USP13: variants seen among roughly 807,000 people sequenced by gnomAD.
USP13 encodes the protein ubiquitin carboxyl-terminal hydrolase 13.
A neutral mutation model predicts 107.8 loss-of-function variants in USP13; 68 were observed. The observed-to-expected ratio is 0.63, with a 90% CI of 0.52 to 0.77. The LOEUF is 0.77. USP13 is among the 30% of genes least tolerant of loss of function. The pLI, the probability that USP13 is intolerant of heterozygous loss-of-function variation, is 0.00. For synonymous variants in USP13, 377 were observed against 389.5 expected, an observed-to-expected ratio of 0.97 and a Z score of 0.38; for missense variants, 945 against 1,093.3, an observed-to-expected ratio of 0.86 and a Z score of 1.91.
chr3:179,730,750 G>T (rs1308325223), intron 10 of USP13, 41 bp downstream of exon 10: 33 of 1,584,216 alleles, frequency 2.1e-5, no homozygotes, highest in Non-Finnish European at 2.9e-5. Flanking sequence ...TGTAGGTAGG[G>T]AGGAGCTTTA....
chr3:179,762,133 G>A (rs188083951), intron 17 of USP13, among the ~76,000 whole-genome samples: 4 of 152,264 alleles, frequency 2.6e-5, no homozygotes, highest in African/African-American at 9.6e-5. Context: ...CTGTTTTCTG[G>A]ATCAAGGGAT....
At chr3:179,657,704 C>T (rs1247240805) in intron 1 of USP13, among the ~76,000 whole-genome samples, 1 of 126,528 alleles carries the variant, frequency 7.9e-6, no homozygotes, top group Non-Finnish European at 1.5e-5. Context: ...GCAGAGGTTG[C>T]AGTAAGCCGA....
chr3:179,769,260 CA>C (rs1362333737), intron 19 of USP13, among the ~76,000 whole-genome samples: 3 of 152,072 alleles, frequency 2.0e-5, no homozygotes, highest in Admixed American at 1.3e-4. Context: ...CATATATTAA[CA>C]ATATTCTATT....
At chr3:179,780,533 A>AG (rs1371219225) in intron 19 of USP13, among the ~76,000 whole-genome samples, 1 of 151,922 alleles carries the variant, frequency 6.6e-6, no homozygotes, top group Non-Finnish European at 1.5e-5. Flanking sequence ...GAGTCTGGAT[A>AG]GGGGGGGAAG....
intron 6 of USP13, among the ~76,000 whole-genome samples, chr3:179,715,975 A>G (rs1713100254): frequency 6.6e-6 from 1 of 152,154 alleles, no homozygotes; most frequent in African/African-American, 2.4e-5. Flanking sequence ...CCCAGGCTGC[A>G]GTGCAGTGGT....
At chr3:179,699,677 GC>G (rs1443577334) in intron 3 of USP13, among the ~76,000 whole-genome samples, 1 of 124,600 alleles carries the variant, frequency 8.0e-6, no homozygotes, top group Non-Finnish European at 1.6e-5. Context: ...TCAAGTCTTG[GC>G]AACAGAGTGA....
chr3:179,755,700 T>A (rs569477295), intron 15 of USP13, among the ~76,000 whole-genome samples: 1 of 152,386 alleles, frequency 6.6e-6, no homozygotes, highest in South Asian at 2.1e-4. Flanking sequence ...TTAGCTCAGT[T>A]ATCCTGATGA....
chr3:179,679,057 G>A (rs7636789), intron 1 of USP13, among the ~76,000 whole-genome samples: 77,214 of 151,972 alleles, frequency 0.51, 20,107 homozygotes, highest in Non-Finnish European at 0.56. Context: ...ATGCTGTTAA[G>A]TGTTCACATT....
At chr3:179,737,299 G>GA (rs775580256) in intron 10 of USP13, among the ~76,000 whole-genome samples, 101 of 152,294 alleles carry the variant, frequency 6.6e-4, no homozygotes, top group Non-Finnish European at 9.7e-4. Context: ...GTCAAGTGGA[G>GA]AAAATCATCA....
chr3:179,696,710 G>T (rs1712339830), intron 3 of USP13, among the ~76,000 whole-genome samples: 1 of 152,144 alleles, frequency 6.6e-6, no homozygotes, highest in African/African-American at 2.4e-5. Flanking sequence ...GGAGAGTTCA[G>T]CTAGAAAGGG....
chr3:179,780,630 A>G (rs1376432018), intron 19 of USP13, among the ~76,000 whole-genome samples: 1 of 152,176 alleles, frequency 6.6e-6, no homozygotes, highest in Admixed American at 6.5e-5. Flanking sequence ...TGTACAACCA[A>G]GAGAGTCATG....
At position 179,689,369 on chromosome 3, in the gene USP13, C is replaced by T. The variant is rs377494345; in HGVS notation, c.295-872C>T. On this transcript the variant is annotated intron_variant, in intron 2 of 20. Coordinates refer to ENST00000263966, the MANE Select transcript of USP13 (RefSeq NM_003940.3). ...GCTTCCATCATAGGTAGAAAATACA[C>T]GATGCTGGGTGGGGTGCGGTGGCTC... Among the ~76,000 whole-genome samples the T allele has an allele frequency of 3.3e-5, 5 of 152,146 alleles. No individual in the cohort carries two copies. In the East Asian group the frequency reaches 7.7e-4, roughly 24 times the overall value.
Position 179,721,716 on chromosome 3 carries a change from C to A in USP13, c.1088+127C>A. The A allele has an allele frequency of 2.0e-6, 2 of 983,198 alleles. No homozygotes were observed. The highest frequency in any genetic ancestry group is 2.9e-6 in the Non-Finnish European group (2 of 678,130). 60.9% of individuals were successfully genotyped at this position (983,198 alleles called of 1,614,324 possible). ...GACATTTTGCCACCTTTTCTCTGGC[C>A]TGCCTTCTACAGAGACTGGGTGAGA... On this transcript the variant is annotated intron_variant, in intron 8 of 20. Transcript: ENST00000263966. The surrounding 1 kb of genome is among the most constrained non-coding windows in gnomAD (Gnocchi z 4.3).
chr3:179,674,055 G>A (rs1194970483), intron 1 of USP13, among the ~76,000 whole-genome samples: 2 of 152,120 alleles, frequency 1.3e-5, no homozygotes, highest in East Asian at 1.9e-4. Context: ...CACTACGCCC[G>A]GCTAATTTTG....
chr3:179,696,434 G>A (rs1056983876), intron 3 of USP13, among the ~76,000 whole-genome samples: 3 of 150,370 alleles, frequency 2.0e-5, no homozygotes, highest in Admixed American at 6.7e-5. Context: ...GGGTTCAAGC[G>A]ATTCTCCTGC....
intron 17 of USP13, among the ~76,000 whole-genome samples, chr3:179,762,164 A>T (rs536038694): frequency 5.5e-4 from 84 of 152,396 alleles, no homozygotes; most frequent in African/African-American, 2.0e-3. Flanking sequence ...TGGACATTTC[A>T]TATAAATGGA....
intron 6 of USP13, among the ~76,000 whole-genome samples, chr3:179,711,516 T>A (rs568521150): frequency 3.9e-5 from 6 of 151,916 alleles, no homozygotes; most frequent in African/African-American, 1.4e-4. Context: ...CCCAGCCAAA[T>A]TTTTTTTTAA....
intron 6 of USP13, among the ~76,000 whole-genome samples, chr3:179,714,831 G>T (rs1205875507): frequency 6.7e-6 from 1 of 149,564 alleles, no homozygotes; most frequent in Non-Finnish European, 1.5e-5. Context: ...TACAGTCTAG[G>T]TTTTGTCTGT....
chr3:179,682,031 C>T lies in USP13; in HGVS notation c.294+28C>T, dbSNP rs751716167. 6.2e-6 allele frequency: 10 copies of T among 1,602,706 alleles called. No individual in the cohort carries two copies. The Admixed American group carries it at 1.7e-4, about 27-fold the overall frequency. On this transcript the variant is annotated intron_variant, in intron 2 of 20. Coordinates refer to ENST00000263966, the MANE Select transcript of USP13 (RefSeq NM_003940.3). ...GAGAGCGGCACTTTCAGAGAACTGG[C>T]CTTGATGTCTTCCCTGTAACGTTGT...
Sources: gnomAD v4.1 joint callset for allele counts (sites outside exome capture counted in the v4.1 genomes callset) on GRCh38, gnomAD v4.1.1 for gene constraint, Gnocchi (gnomAD v3.1) non-coding constraint, MANE v1.5 for transcripts, NCBI Gene and HGNC (gene_info 2026-07-23, HGNC 2026-07-21) for gene names.